CNTN4: variants seen among roughly 807,000 people sequenced by gnomAD.
The protein encoded by CNTN4 is contactin-4.
A neutral mutation model predicts 122.5 loss-of-function variants in CNTN4; 77 were observed. The observed-to-expected ratio is 0.63, with a 90% CI of 0.52 to 0.76. The LOEUF (loss-of-function observed/expected upper bound fraction) is 0.76, where lower values mean the gene tolerates loss of function less well. CNTN4 is among the 30% of genes least tolerant of loss of function. CNTN4 has a pLI of 0.00. For synonymous variants in CNTN4, 512 were observed against 447.0 expected (o/e 1.15, Z -1.83); for missense variants, 1,256 against 1,259.1 (o/e 1.00, Z 0.04).
chr3:2,766,301 C>A (rs2090856940), intron 6 of CNTN4, among the ~76,000 whole-genome samples: 1 of 152,220 alleles, frequency 6.6e-6, no homozygotes, highest in African/African-American at 2.4e-5. Flanking sequence ...CAGTGCTTCA[C>A]ACACAGTGTT....
intron 13 of CNTN4, among the ~76,000 whole-genome samples, chr3:2,987,684 T>C (rs1252223688): frequency 6.6e-6 from 1 of 152,198 alleles, no homozygotes. Context: ...TTCTTCCTCT[T>C]CCAGATTTTG....
chr3:2,682,209 T>G (rs1682177153), intron 4 of CNTN4, among the ~76,000 whole-genome samples: 1 of 152,224 alleles, frequency 6.6e-6, no homozygotes, highest in African/African-American at 2.4e-5. Context: ...TCCTTGACCA[T>G]GAAACATTTA....
chr3:2,259,046 T>C (rs2040715929), intron 2 of CNTN4, among the ~76,000 whole-genome samples: 1 of 152,192 alleles, frequency 6.6e-6, no homozygotes, highest in Non-Finnish European at 1.5e-5. Flanking sequence ...TTAAATAATG[T>C]ACCCAAAGCT....
Position 2,794,398 on chromosome 3 carries a change from G to T in CNTN4, c.359-25088G>T, listed in dbSNP as rs180976120. On this transcript the variant is annotated intron_variant, in intron 6 of 24. Transcript: ENST00000418658. ...GTCTTTGATGCTGTAATGTATGTTG[G>T]ATAGTCCCAAAAAGGAGATACAATA... Among the ~76,000 whole-genome samples the T allele has an allele frequency of 1.3e-3, 191 of 152,240 alleles. 2 individuals are homozygous for T. Among genetic ancestry groups the T allele is most frequent in the Non-Finnish European group, 2.2e-3 (147 of 67,998 alleles).
intron 13 of CNTN4, among the ~76,000 whole-genome samples, chr3:2,941,743 T>G (rs1217364327): frequency 6.6e-6 from 1 of 152,190 alleles, no homozygotes; most frequent in Non-Finnish European, 1.5e-5. Context: ...GTAATGGAAA[T>G]CAAATCTCAT....
At chr3:2,617,718 G>T (rs2081826719) in intron 4 of CNTN4, among the ~76,000 whole-genome samples, 1 of 151,904 alleles carries the variant, frequency 6.6e-6, no homozygotes, top group Admixed American at 6.6e-5. Context: ...ACTGGTGGCC[G>T]ACCCGAGAAA....
Position 2,777,754 on chromosome 3 carries a change from A to G in CNTN4, c.358+32057A>G, listed in dbSNP as rs1210131862. Among the ~76,000 whole-genome samples, 4 of 152,332 alleles carry G rather than the reference A, an allele frequency of 2.6e-5. No individual in the cohort carries two copies. The East Asian group carries it at 5.8e-4, about 22-fold the overall frequency. On this transcript the variant is annotated intron_variant, in intron 6 of 24. Transcript: ENST00000418658. ...TTACCTAGGACACAAATTCTTTCCA[A>G]TATGGCCAGCATATTTCTCCAAACA...
At chr3:2,980,731 G>A (rs2125193820) in intron 13 of CNTN4, among the ~76,000 whole-genome samples, 1 of 152,320 alleles carries the variant, frequency 6.6e-6, no homozygotes, top group Admixed American at 6.5e-5. Flanking sequence ...TCTCCTGCAA[G>A]AGAGAGGAAC....
chr3:2,304,370 T>C (rs2042630128), intron 2 of CNTN4, among the ~76,000 whole-genome samples: 1 of 152,158 alleles, frequency 6.6e-6, no homozygotes, highest in African/African-American at 2.4e-5. Flanking sequence ...GTTATAAACA[T>C]CACAGTGGAA....
chr3:2,275,647 C>T (rs562049669), intron 2 of CNTN4, among the ~76,000 whole-genome samples: 17 of 151,960 alleles, frequency 1.1e-4, no homozygotes, highest in Non-Finnish European at 2.2e-4. Flanking sequence ...CTTGGCCAGG[C>T]GCGGTGGGTA....
At position 2,485,121 on chromosome 3, in the gene CNTN4, C is replaced by T. The variant is rs557420926; in HGVS notation, c.-88-86295C>T. Among the ~76,000 whole-genome samples the T allele has an allele frequency of 2.6e-3, 391 of 152,354 alleles. 2 individuals carry two copies. Among genetic ancestry groups the T allele is most frequent in the Non-Finnish European group, 3.1e-3 (208 of 68,028 alleles). On this transcript the variant is annotated intron_variant, in intron 3 of 24. Coordinates refer to ENST00000418658, the MANE Select transcript of CNTN4 (RefSeq NM_175607.3). ...CCGGCCAGTGCTGCGCTCGAATTCC[C>T]GCCAGGCCTCAGCTGCCTCCCCGTG...
chr3:2,942,523 T>C (rs2094625907), intron 13 of CNTN4, among the ~76,000 whole-genome samples: 2 of 152,202 alleles, frequency 1.3e-5, no homozygotes, highest in African/African-American at 4.8e-5. Context: ...ATGTGCCTTA[T>C]AATTTTCATA....
chr3:2,253,643 A>AT (rs1160179429), intron 2 of CNTN4, among the ~76,000 whole-genome samples: 307 of 142,894 alleles, frequency 2.1e-3, no homozygotes, highest in Middle Eastern at 3.7e-3. Context: ...TTACTTTTTC[A>AT]TTTTTTTTTT....
At chr3:2,542,795 G>A (rs2078086117) in intron 3 of CNTN4, among the ~76,000 whole-genome samples, 1 of 152,108 alleles carries the variant, frequency 6.6e-6, no homozygotes, top group Non-Finnish European at 1.5e-5. Flanking sequence ...TCTGGGGAGT[G>A]AGTGGCATGT....
intron 3 of CNTN4, among the ~76,000 whole-genome samples, chr3:2,395,592 C>G (rs940303110): frequency 1.3e-5 from 2 of 152,034 alleles, no homozygotes; most frequent in Non-Finnish European, 1.5e-5. Context: ...CAGTCCTTGC[C>G]CCACTCTTTT....
intron 3 of CNTN4, among the ~76,000 whole-genome samples, chr3:2,452,799 T>A (rs1340924535): frequency 6.6e-6 from 1 of 151,968 alleles, no homozygotes; most frequent in Non-Finnish European, 1.5e-5. Context: ...GATAAGATCA[T>A]AAAAAATACA....
rs527756199 is a variant in CNTN4 at position 2,503,891 on chromosome 3, G to A, written c.-88-67525G>A. ...ACTCTGTAAGAACTGGCCATATTTG[G>A]CTTTACCAGGTAGCTGAGAGGGATC... On this transcript the variant is annotated intron_variant, in intron 3 of 24. Transcript: ENST00000418658. Among the ~76,000 whole-genome samples the A allele has an allele frequency of 5.9e-5, 9 of 152,174 alleles. No homozygotes were observed. The East Asian group carries it at 1.7e-3, about 29-fold the overall frequency.
intron 7 of CNTN4, among the ~76,000 whole-genome samples, chr3:2,851,044 T>C (rs2093541172): frequency 2.0e-5 from 3 of 152,166 alleles, no homozygotes; most frequent in African/African-American, 7.2e-5. Context: ...GACAAAAAGC[T>C]AGAAATCGAA....
In CNTN4 at chr3:2,902,842, G is replaced by T. The variant is rs780418042; in HGVS notation, c.1078-34G>T. Reference sequence around the variant, plus strand: ...TGCCTTAAAGTCTCAGTTGTAGAAGGTCATTGTTTTTATGTTCCTCTTTTC... The same window carrying T: ...TGCCTTAAAGTCTCAGTTGTAGAAGTTCATTGTTTTTATGTTCCTCTTTTC... On this transcript the variant is annotated intron_variant, in intron 11 of 24. Coordinates refer to ENST00000418658, the MANE Select transcript of CNTN4 (RefSeq NM_175607.3). 18 of 1,603,326 alleles carry T rather than the reference G, an allele frequency of 1.1e-5. 1 individual carries two copies. The South Asian group carries it at 2.0e-4, about 18-fold the overall frequency.
Sources: gnomAD v4.1 joint callset for allele counts (sites outside exome capture counted in the v4.1 genomes callset) on GRCh38, gnomAD v4.1.1 for gene constraint, MANE v1.5 for transcripts, NCBI Gene and HGNC (gene_info 2026-07-23, HGNC 2026-07-21) for gene names.